CDKAL1: variants seen among roughly 807,000 people sequenced by gnomAD.
The protein encoded by CDKAL1 is CDKAL1 threonylcarbamoyladenosine tRNA methylthiotransferase.
In CDKAL1, 32 loss-of-function variants were observed where a neutral mutation model predicts 68.2. The observed-to-expected ratio is 0.47, with a 90% CI of 0.35 to 0.63. The LOEUF is 0.63. Ranked by LOEUF, CDKAL1 falls within the 30% of genes least tolerant of loss-of-function variation. The probability of loss-of-function intolerance (pLI) is 0.00; values close to 1 mark genes in which losing one functional copy is unlikely to be tolerated. For missense variants in CDKAL1, 606 were observed against 696.7 expected (o/e 0.87, Z 1.47); for synonymous variants, 234 against 244.3 (o/e 0.96, Z 0.39).
intron 9 of CDKAL1, among the ~76,000 whole-genome samples, chr6:20,895,493 C>T (rs1761632642): frequency 6.6e-6 from 1 of 152,172 alleles, no homozygotes; most frequent in African/African-American, 2.4e-5. Context: ...CTCAGCTATT[C>T]ATTTTTAGAA....
intron 9 of CDKAL1, among the ~76,000 whole-genome samples, chr6:20,875,543 A>G (rs752557961): frequency 1.2e-4 from 19 of 152,008 alleles, no homozygotes; most frequent in Non-Finnish European, 2.1e-4. Context: ...AGATGTGGGG[A>G]GGGGGGTTGG....
chr6:21,017,368 G>A (rs1343839045), intron 11 of CDKAL1, among the ~76,000 whole-genome samples: 1 of 152,194 alleles, frequency 6.6e-6, no homozygotes, highest in Admixed American at 6.5e-5. Flanking sequence ...CCTCAGGAAG[G>A]TACAGCAAAG....
At chr6:20,566,538 TA>T (rs11329887) in intron 4 of CDKAL1, among the ~76,000 whole-genome samples, 35,171 of 152,134 alleles carry the variant, frequency 0.23, 4,795 homozygotes, top group Middle Eastern at 0.36. Flanking sequence ...TCATTGAAAA[TA>T]GTAAGCACTC....
intron 8 of CDKAL1, among the ~76,000 whole-genome samples, chr6:20,841,726 T>G (rs552222379): frequency 1.1e-4 from 17 of 152,334 alleles, no homozygotes; most frequent in African/African-American, 4.1e-4. Flanking sequence ...AGTGAGACCC[T>G]GTCTTTACAA....
chr6:20,652,228 G>A (rs1768803967), intron 5 of CDKAL1, among the ~76,000 whole-genome samples: 1 of 152,098 alleles, frequency 6.6e-6, no homozygotes, highest in Admixed American at 6.5e-5. Flanking sequence ...GCTAATAGGT[G>A]ATTTTTGAGT....
intron 5 of CDKAL1, among the ~76,000 whole-genome samples, chr6:20,660,202 C>T (rs1199566337): frequency 6.6e-6 from 1 of 152,072 alleles, no homozygotes; most frequent in Non-Finnish European, 1.5e-5. Flanking sequence ...CAATTAACAT[C>T]TGTTGTTGTG....
chr6:21,122,901 C>G (rs1467231984), intron 13 of CDKAL1, among the ~76,000 whole-genome samples: 7 of 150,664 alleles, frequency 4.6e-5, no homozygotes, highest in Admixed American at 1.3e-4. Context: ...CACCTTGGCC[C>G]TTCAAAATAA....
intron 5 of CDKAL1, among the ~76,000 whole-genome samples, chr6:20,677,150 A>C (rs746703234): frequency 6.6e-6 from 1 of 151,014 alleles, no homozygotes; most frequent in Non-Finnish European, 1.5e-5. Flanking sequence ...GGCTCACTGC[A>C]ACCTCTGCCT....
chr6:20,735,389 A>G (rs1206295519), intron 5 of CDKAL1, among the ~76,000 whole-genome samples: 1 of 152,148 alleles, frequency 6.6e-6, no homozygotes, highest in East Asian at 1.9e-4. Flanking sequence ...ACCTCTTTAC[A>G]GGGGAGCAGG....
chr6:20,600,771 C>CATATATATATATATATATATATACAT (rs10522824), intron 4 of CDKAL1, among the ~76,000 whole-genome samples: 30 of 124,180 alleles, frequency 2.4e-4, no homozygotes, highest in Admixed American at 9.5e-4. Context: ...TATATGTATA[C>CATATATATATATATATATATATACAT]ATATATATAT....
At chr6:20,619,540 C>G (rs1767083371) in intron 4 of CDKAL1, among the ~76,000 whole-genome samples, 1 of 152,078 alleles carries the variant, frequency 6.6e-6, no homozygotes, top group Admixed American at 6.5e-5. Context: ...CCAAATAGCC[C>G]TAATAATCAC....
intron 12 of CDKAL1, among the ~76,000 whole-genome samples, chr6:21,099,772 T>G (rs1285627382): frequency 6.6e-6 from 1 of 152,234 alleles, no homozygotes; most frequent in Non-Finnish European, 1.5e-5. Context: ...GCCCTTTGAC[T>G]TTGTCTTTTT....
intron 13 of CDKAL1, among the ~76,000 whole-genome samples, chr6:21,136,240 G>A (rs960723470): frequency 2.0e-5 from 3 of 152,162 alleles, no homozygotes; most frequent in African/African-American, 4.8e-5. Flanking sequence ...CAATGTGTTT[G>A]TAATAGGACT....
intron 11 of CDKAL1, among the ~76,000 whole-genome samples, chr6:21,011,763 T>C (rs201293): frequency 0.11 from 16,243 of 152,228 alleles, 977 homozygotes; most frequent in Middle Eastern, 0.16. Flanking sequence ...ATCAATCCCC[T>C]TTCTTCACAC....
intron 10 of CDKAL1, among the ~76,000 whole-genome samples, chr6:20,998,402 G>A (rs1407349029): frequency 6.6e-6 from 1 of 151,914 alleles, no homozygotes; most frequent in African/African-American, 2.4e-5. Context: ...ACCTGAGGTC[G>A]GGAGTTCAAG....
At chr6:21,070,138 G>A (rs1450546152) in intron 12 of CDKAL1, among the ~76,000 whole-genome samples, 1 of 152,042 alleles carries the variant, frequency 6.6e-6, no homozygotes, top group Non-Finnish European at 1.5e-5. Flanking sequence ...TAATCTCTGG[G>A]ACTGTGAATT....
intron 8 of CDKAL1, among the ~76,000 whole-genome samples, chr6:20,781,663 C>G (rs142188962): frequency 6.6e-6 from 1 of 152,062 alleles, no homozygotes; most frequent in African/African-American, 2.4e-5. Flanking sequence ...TGATTATTCA[C>G]TATTTGAAAT....
intron 11 of CDKAL1, among the ~76,000 whole-genome samples, chr6:21,021,513 A>G (rs954296897): frequency 6.6e-6 from 1 of 152,204 alleles, no homozygotes; most frequent in Non-Finnish European, 1.5e-5. Flanking sequence ...AAAACATTGA[A>G]AATATTTTAT....
At chr6:20,752,593 A>G (rs1293255097) in intron 6 of CDKAL1, among the ~76,000 whole-genome samples, 4 of 152,116 alleles carry the variant, frequency 2.6e-5, no homozygotes, top group African/African-American at 7.2e-5. Context: ...TATGCTCTTT[A>G]CCCAGATTCC....
Sources: gnomAD v4.1 joint callset for allele counts (sites outside exome capture counted in the v4.1 genomes callset) on GRCh38, gnomAD v4.1.1 for gene constraint, MANE v1.5 for transcripts, NCBI Gene and HGNC (gene_info 2026-07-23, HGNC 2026-07-21) for gene names.